USP39: variants seen among roughly 807,000 people sequenced by gnomAD.
USP39 encodes the protein ubiquitin carboxyl-terminal hydrolase 39.
USP39 carries 38 observed loss-of-function variants against 66.4 expected under a neutral mutation model. The observed-to-expected ratio is 0.57, with a 90% CI of 0.44 to 0.75. The LOEUF is 0.75. Ranked by LOEUF, USP39 falls within the 30% of genes least tolerant of loss-of-function variation. The pLI is 0.00. For synonymous variants in USP39, 303 were observed against 274.6 expected (o/e 1.10, Z -1.02); for missense variants, 608 against 714.4 (o/e 0.85, Z 1.70).
upstream of USP39, chr2:85,609,316 TCA>T (rs942487474): frequency 1.8e-5 from 25 of 1,419,786 alleles, no homozygotes; most frequent in African/African-American, 2.7e-4. Context: ...AGGCCTAGAC[TCA>T]CATGTGGAGC....
Position 85,648,852 on chromosome 2 carries a change from T to C in USP39, c.*44T>C. 2 of 1,610,676 alleles carry C rather than the reference T, an allele frequency of 1.2e-6. No homozygotes were observed. The highest frequency in any genetic ancestry group is 1.7e-6 in the Non-Finnish European group (2 of 1,178,088). On this transcript the variant is annotated 3_prime_UTR_variant, in exon 13 of 13. Coordinates refer to ENST00000323701, the MANE Select transcript of USP39 (RefSeq NM_006590.4). ...TGCTCCCAAGGGCTGTGGCTGATGATGGTAAATAAGAACACAGAAGCTGTA... is the reference window on the plus strand; with the variant it reads ...TGCTCCCAAGGGCTGTGGCTGATGACGGTAAATAAGAACACAGAAGCTGTA...
At chr2:85,639,154 C>T (rs539096929) in intron 8 of USP39, 49 bp from the exon 9 acceptor site, 2 of 1,557,538 alleles carry the variant, frequency 1.3e-6, no homozygotes, top group South Asian at 2.4e-5. Context: ...GTGTTGGTTC[C>T]TATACCCGTC....
intron 2 of USP39, among the ~76,000 whole-genome samples, chr2:85,619,639 TA>T (rs1674294461): frequency 4.0e-5 from 6 of 151,350 alleles, no homozygotes; most frequent in Admixed American, 1.3e-4. Context: ...AAAGCTGAGG[TA>T]GTTTACCTCA....
chr2:85,611,814 A>T (rs1368251467), upstream of USP39: 2 of 1,608,178 alleles, frequency 1.2e-6, no homozygotes, highest in East Asian at 4.5e-5. Flanking sequence ...GGAGTCAGGG[A>T]CTGTCGGGCC....
At chr2:85,617,378 G>A (rs538582751) in intron 1 of USP39, among the ~76,000 whole-genome samples, 19 of 152,276 alleles carry the variant, frequency 1.2e-4, no homozygotes, top group Non-Finnish European at 2.2e-4. Context: ...ATAAAGTCTG[G>A]AGACAATTTT....
chr2:85,638,694 C>T (rs1380931822), intron 8 of USP39, among the ~76,000 whole-genome samples: 3 of 151,922 alleles, frequency 2.0e-5, no homozygotes, highest in African/African-American at 4.8e-5. Context: ...GCCACCACCA[C>T]GCCCGGCTTA....
chr2:85,631,458 G>C (rs943248121), intron 6 of USP39, among the ~76,000 whole-genome samples: 5 of 151,824 alleles, frequency 3.3e-5, no homozygotes, highest in African/African-American at 1.2e-4. Flanking sequence ...ATGATTACAG[G>C]CATGAGCCAC....
rs544428260 is a variant in USP39 at position 85,606,432 on chromosome 2, G to A, written n.226+3351G>A. Among the ~76,000 whole-genome samples, 10 of 152,326 alleles carry A rather than the reference G, an allele frequency of 6.6e-5. No individual in the cohort carries two copies. In the South Asian group the frequency reaches 1.9e-3, roughly 28 times the overall value. ...AGTACTGCCTTGGACCCCAGCTGAG[G>A]GGTGGCAGTAAGCAATGAGGATGGG... On this transcript the variant is annotated intron_variant and non_coding_transcript_variant, in intron 1 of 12. Coordinates refer to the USP39 transcript ENST00000459775.
intron 4 of USP39, among the ~76,000 whole-genome samples, chr2:85,624,789 C>A (rs184363906): frequency 3.4e-4 from 52 of 151,988 alleles, no homozygotes; most frequent in Non-Finnish European, 4.4e-5. Flanking sequence ...CATGATGAGA[C>A]CCCGTTTCTA....
chr2:85,633,608 A>T (rs1225571795), intron 6 of USP39, among the ~76,000 whole-genome samples: 1 of 151,982 alleles, frequency 6.6e-6, no homozygotes, highest in African/African-American at 2.4e-5. Context: ...TCTACAAAAA[A>T]TTTTTAAAAA....
In USP39 at chr2:85,635,015, C is replaced by T. The variant is rs557669064; in HGVS notation, c.950-1038C>T. ...TTATGATGTCACATAAACATAATTT[C>T]CTCCATCTCTGAGACCTAGTAGGTT... On this transcript the variant is annotated intron_variant, in intron 6 of 12. Transcript: ENST00000323701. Among the ~76,000 whole-genome samples the T allele has an allele frequency of 2.6e-5, 4 of 152,290 alleles. No homozygotes were observed. In the South Asian group the frequency reaches 6.2e-4, roughly 24 times the overall value.
At chr2:85,637,480 G>A in intron 8 of USP39, 44 bp downstream of exon 8, 1 of 1,598,842 alleles carries the variant, frequency 6.3e-7, no homozygotes. Context: ...CATATTGCTT[G>A]AGGGGACGTA....
In USP39 at chr2:85,649,053, C is replaced by A; in HGVS notation, c.*245C>A. On this transcript the variant is annotated 3_prime_UTR_variant, in exon 13 of 13. Coordinates refer to ENST00000323701, the MANE Select transcript of USP39 (RefSeq NM_006590.4). ...TTTCTCCCATGCATTGAGCTCCCAT[C>A]TAGCTTCAGCAGGGCAGAACCCTTC... 1.9e-6 allele frequency: 1 copy of A among 530,652 alleles called. No individual in the cohort carries two copies. 32.9% of individuals were successfully genotyped at this position (530,652 alleles called of 1,614,324 possible).
At chr2:85,621,364 G>C (rs1351514397) in intron 2 of USP39, 121 bp from the exon 3 acceptor site, 1 of 773,762 alleles carries the variant, frequency 1.3e-6, no homozygotes, top group African/African-American at 1.7e-5. Flanking sequence ...TGTATATATG[G>C]TTGTGAACTG....
At position 85,616,205 on chromosome 2, in the gene USP39, C is replaced by T. The variant is rs1187708357; in HGVS notation, c.10C>T (p.Arg4Trp). Residue 4 changes from arginine (R) to tryptophan (W), a missense_variant, in exon 1 of 13, where the codon CGG becomes TGG. By Grantham distance (101) the Arg-to-Trp change is moderately radical. Transcript: ENST00000323701. Reference protein sequence around the residue: MSGRSKRESRGSTR... With the variant: MSGWSKRESRGSTR... Reference sequence around the variant, plus strand: ...TCGGCCGGTAGTGGAGATGTCCGGCCGGTCTAAGCGGGAGTCTCGCGGTTC... The same window carrying T: ...TCGGCCGGTAGTGGAGATGTCCGGCTGGTCTAAGCGGGAGTCTCGCGGTTC... 9 of 1,453,746 alleles carry T rather than the reference C, an allele frequency of 6.2e-6. No individual in the cohort carries two copies. The highest frequency in any genetic ancestry group is 1.5e-5 in the African/African-American group (1 of 67,384). 90.1% of individuals were successfully genotyped at this position (1,453,746 alleles called of 1,614,324 possible). A position where few individuals can be genotyped will look rare whatever the true frequency, so the allele number is the denominator to read the frequency against.
intron 7 of USP39, among the ~76,000 whole-genome samples, chr2:85,636,781 G>T (rs970048814): frequency 6.6e-6 from 1 of 152,204 alleles, no homozygotes; most frequent in Non-Finnish European, 1.5e-5. Flanking sequence ...ATGTGATGGT[G>T]TCTTGATGTG....
intron 3 of USP39, 31 bp downstream of exon 3, chr2:85,621,610 C>A (rs201364857): frequency 2.2e-4 from 338 of 1,547,440 alleles, no homozygotes; most frequent in Non-Finnish European, 2.9e-4. Context: ...AACTGCAGAT[C>A]TGCTCCAGAG....
chr2:85,617,989 T>C (rs1674126463), intron 1 of USP39, among the ~76,000 whole-genome samples: 1 of 151,872 alleles, frequency 6.6e-6, no homozygotes, highest in African/African-American at 2.4e-5. Context: ...GTTTCACTCT[T>C]GTTGTCCAGG....
intron 6 of USP39, among the ~76,000 whole-genome samples, 193 bp from the exon 7 acceptor site, chr2:85,635,860 T>C (rs1034100481): frequency 3.3e-5 from 5 of 152,072 alleles, no homozygotes; most frequent in African/African-American, 1.2e-4. Flanking sequence ...AGAGTCAAGA[T>C]CGGAGGAGTG....
Sources: allele counts gnomAD v4.1 joint callset (sites outside exome capture counted in the v4.1 genomes callset), GRCh38; gene constraint gnomAD v4.1.1; transcripts MANE v1.5; gene names NCBI Gene and HGNC (gene_info 2026-07-23, HGNC 2026-07-21).